NEMF: variants seen among roughly 807,000 people sequenced by gnomAD.
NEMF encodes ribosome quality control complex subunit NEMF.
A neutral mutation model predicts 162.2 loss-of-function variants in NEMF; 89 were observed. That is an observed-to-expected ratio of 0.55 (90% CI 0.46 to 0.65). The LOEUF (loss-of-function observed/expected upper bound fraction) is 0.65, where lower values mean the gene tolerates loss of function less well. Among genes scored for constraint, NEMF ranks in the 30% least tolerant of loss-of-function variants. The pLI is 0.00. For synonymous variants in NEMF, 421 were observed against 404.5 expected (o/e 1.04, Z -0.49); for missense variants, 1,133 against 1,261.9 (o/e 0.90, Z 1.55).
At chr14:49,849,474 T>C (rs1430187988) in intron 3 of NEMF, among the ~76,000 whole-genome samples, 1 of 152,254 alleles carries the variant, frequency 6.6e-6, no homozygotes, top group African/African-American at 2.4e-5. Flanking sequence ...TATCACATAA[T>C]AGACATAACT....
rs1566658544 is a variant in NEMF, at chr14:49,799,568, C to G, written c.2416-44G>C. 5 of 1,598,226 alleles carry G rather than the reference C, an allele frequency of 3.1e-6. No homozygotes were observed. In the South Asian group the frequency reaches 5.7e-5, roughly 18 times the overall value. On this transcript the variant is annotated intron_variant, in intron 24 of 32. Transcript: ENST00000298310. ...AGGCAAATGCAAATATCACTATTAA[C>G]TTTTTTGAAAAGTAGAAAATTATTC...
At position 49,829,241 on chromosome 14, in the gene NEMF, C is replaced by G; in HGVS notation, c.1045G>C (p.Glu349Gln). 6.2e-7 allele frequency: 1 copy of G among 1,614,118 alleles called. No homozygotes were observed. Among genetic ancestry groups the G allele is most frequent in the South Asian group, 1.1e-5 (1 of 91,080 alleles). ...QAQEIDKLKG[E>Q]LIEMNLQIVD... The stretch of plus-strand genomic sequence containing the variant: ...ATTTGTAGGTTCATTTCTATGAGCT[C>G]TCCTTTCAGTTTGTCTATTTCCTTA... The change falls in exon 13 of 33, where the codon GAG (glutamate) becomes CAG (glutamine). Residue 349 changes from glutamate (E) to glutamine (Q), a missense_variant. Glu to Gln is a conservative substitution (Grantham distance 29). This residue lies in a region of NEMF where 582 missense variants were observed against 631.5 expected (regional missense o/e 0.92). Transcript: ENST00000298310.
chr14:49,790,470 G>C (rs1303383935), intron 26 of NEMF, among the ~76,000 whole-genome samples: 2 of 152,104 alleles, frequency 1.3e-5, no homozygotes, highest in Admixed American at 1.3e-4. Context: ...AGCCAAATGA[G>C]CTATCAGCAT....
At chr14:49,788,991 A>G (rs932487049) in intron 28 of NEMF, among the ~76,000 whole-genome samples, 155 bp downstream of exon 28, 1 of 152,132 alleles carries the variant, frequency 6.6e-6, no homozygotes, top group African/African-American at 2.4e-5. Context: ...AGATACTGCA[A>G]TTTTAGTCTT....
At position 49,784,936 on chromosome 14, in the gene NEMF, G is replaced by A. The variant is rs1315146260; in HGVS notation, c.3142C>T (p.Arg1048Cys). ...AAGGAGAACTTTACCTTTACGCTGC[G>A]GAATAAGTCTTTTTCTCTTGCTGTT... ...EATAREKDLFRSVKDTDLSRN... is the reference protein window; with the variant it reads ...EATAREKDLFCSVKDTDLSRN... Residue 1048 changes from arginine (R) to cysteine (C), a missense_variant, in exon 32 of 33, where the codon CGC becomes TGC. This residue lies in a region of NEMF where 532 missense variants were observed against 578.6 expected (regional missense o/e 0.92). Coordinates refer to ENST00000298310, the MANE Select transcript of NEMF (RefSeq NM_004713.6). 6.2e-6 allele frequency: 10 copies of A among 1,613,282 alleles called. No homozygotes were observed. The highest frequency in any genetic ancestry group is 4.4e-5 in the South Asian group (4 of 91,024).
At chr14:49,823,125 A>C (rs1478393711) in intron 16 of NEMF, among the ~76,000 whole-genome samples, 1 of 151,906 alleles carries the variant, frequency 6.6e-6, no homozygotes, top group Non-Finnish European at 1.5e-5. Flanking sequence ...TTTTTAGTAG[A>C]GATGGGTTTT....
chr14:49,795,676 G>A (rs1890659797), intron 26 of NEMF, 115 bp downstream of exon 26: 3 of 938,128 alleles, frequency 3.2e-6, no homozygotes, highest in South Asian at 1.6e-5. Context: ...TTAGTCAAAG[G>A]AAATCACACA....
At chr14:49,831,204 T>C in intron 11 of NEMF, 95 bp downstream of exon 11, 1 of 717,568 alleles carries the variant, frequency 1.4e-6, no homozygotes, top group Non-Finnish European at 2.4e-6. Flanking sequence ...TACTACTTCT[T>C]ACACTCTTTC....
intron 22 of NEMF, among the ~76,000 whole-genome samples, chr14:49,801,851 C>T (rs896809822): frequency 6.6e-6 from 1 of 152,120 alleles, no homozygotes. Context: ...CACATTTACC[C>T]GAGTCTACCT....
chr14:49,847,789 T>C (rs1302468168), intron 3 of NEMF, among the ~76,000 whole-genome samples: 5 of 150,142 alleles, frequency 3.3e-5, no homozygotes, highest in African/African-American at 1.2e-4. Flanking sequence ...CCCAACACTT[T>C]GGGAGGCCGA....
intron 26 of NEMF, among the ~76,000 whole-genome samples, chr14:49,791,735 TAAAAA>T (rs10586126): frequency 7.1e-6 from 1 of 141,106 alleles, no homozygotes. Flanking sequence ...AGACTCCATT[TAAAAA>T]AAAAAAAAAA....
In NEMF at chr14:49,785,319, T is replaced by C. The variant is rs1183458139; in HGVS notation, c.2930A>G (p.Glu977Gly). 4.3e-6 allele frequency: 7 copies of C among 1,611,804 alleles called. No homozygotes were observed. Among genetic ancestry groups the C allele is most frequent in the Admixed American group, 1.7e-5 (1 of 59,978 alleles). The stretch of plus-strand genomic sequence containing the variant: ...GCCTGTCAAAGAATCAAATAGGTTT[T>C]CCTAAAAAGGGAAAATAACAGTTAC... ...EQDLDQQGNEENLFDSLTGQP... is the reference protein window; with the variant it reads ...EQDLDQQGNEGNLFDSLTGQP... The change falls in exon 30 of 33, where the codon GAA becomes GGA. Residue 977 changes from glutamate (E) to glycine (G), a missense_variant and splice_region_variant. Physicochemically the swap from Glu to Gly is moderately conservative, Grantham distance 98. Coordinates refer to ENST00000298310, the MANE Select transcript of NEMF (RefSeq NM_004713.6).
At position 49,789,431 on chromosome 14, in the gene NEMF, G is replaced by A. The variant is rs539531163; in HGVS notation, c.2697+65C>T. On this transcript the variant is annotated intron_variant, in intron 27 of 32. Transcript: ENST00000298310. The stretch of plus-strand genomic sequence containing the variant: ...AGAATGTATTGAATGCCTGTCATAC[G>A]CTAGGCAGTGGGCTAGATGCCCATT... 2.7e-5 allele frequency: 44 copies of A among 1,611,584 alleles called. No homozygotes were observed. The East Asian group carries it at 3.3e-4, about 12-fold the overall frequency.
chr14:49,806,355 G>A (rs543638263), intron 18 of NEMF, among the ~76,000 whole-genome samples: 27 of 142,808 alleles, frequency 1.9e-4, no homozygotes, highest in Non-Finnish European at 2.6e-4. Flanking sequence ...TCCGCCTCCC[G>A]GGTTCAAGCA....
intron 26 of NEMF, among the ~76,000 whole-genome samples, chr14:49,795,161 C>A (rs1300177612): frequency 6.6e-6 from 1 of 151,800 alleles, no homozygotes; most frequent in Non-Finnish European, 1.5e-5. Context: ...ATAGTTAGAC[C>A]CCATCGTTAC....
At chr14:49,833,918 CAT>C (rs549808647) in intron 7 of NEMF, among the ~76,000 whole-genome samples, 38 of 152,298 alleles carry the variant, frequency 2.5e-4, no homozygotes, top group Non-Finnish European at 3.8e-4. Flanking sequence ...AACATTTTCA[CAT>C]GCTTTTGCTC....
intron 4 of NEMF, among the ~76,000 whole-genome samples, chr14:49,842,746 C>T (rs971177188): frequency 5.9e-5 from 9 of 152,208 alleles, no homozygotes; most frequent in African/African-American, 2.2e-4. Context: ...GTGGCTCACG[C>T]CTGTAATCCC....
chr14:49,794,753 A>G (rs1275678383), intron 26 of NEMF, among the ~76,000 whole-genome samples: 1 of 128,318 alleles, frequency 7.8e-6, no homozygotes, highest in Non-Finnish European at 1.6e-5. Context: ...GAGTCTCGCC[A>G]TGTCACCCAG....
chr14:49,811,047 T>A (rs772007730), intron 18 of NEMF, among the ~76,000 whole-genome samples: 11 of 152,172 alleles, frequency 7.2e-5, no homozygotes, highest in Non-Finnish European at 1.5e-4. Flanking sequence ...CCTAGATTAC[T>A]GGGGAGTACT....
Sources: allele counts gnomAD v4.1 joint callset (sites outside exome capture counted in the v4.1 genomes callset), GRCh38; gene constraint gnomAD v4.1.1; regional missense constraint gnomAD v4.1.1; transcripts MANE v1.5; gene names NCBI Gene and HGNC (gene_info 2026-07-23, HGNC 2026-07-21).